AOPEP: variants seen among roughly 807,000 people sequenced by gnomAD.
The protein encoded by AOPEP is aminopeptidase O.
A neutral mutation model predicts 98.1 loss-of-function variants in AOPEP; 77 were observed. The ratio of observed to expected loss-of-function variants is 0.78; its 90% confidence interval spans 0.65 to 0.95. AOPEP has a LOEUF of 0.95. AOPEP is among the 40% of genes least tolerant of loss of function. The probability of loss-of-function intolerance (pLI) is 0.00; values close to 1 mark genes in which losing one functional copy is unlikely to be tolerated. For missense variants in AOPEP, 1,024 were observed against 1,024.7 expected, an observed-to-expected ratio of 1.00 and a Z score of 0.01; for synonymous variants, 346 against 365.3, an observed-to-expected ratio of 0.95 and a Z score of 0.60.
At chr9:95,010,850 A>G (rs2062447754) in intron 13 of AOPEP, among the ~76,000 whole-genome samples, 1 of 152,362 alleles carries the variant, frequency 6.6e-6, no homozygotes, top group Middle Eastern at 3.4e-3. Context: ...AAAAGTAATT[A>G]CAAAGAAACC....
intron 13 of AOPEP, among the ~76,000 whole-genome samples, chr9:95,032,414 T>C (rs2064392936): frequency 6.6e-6 from 1 of 152,242 alleles, no homozygotes; most frequent in South Asian, 2.1e-4. Context: ...CAAGTGAGGC[T>C]TTCAGATATG....
chr9:94,899,970 A>C (rs900024121), intron 5 of AOPEP, among the ~76,000 whole-genome samples: 1 of 152,156 alleles, frequency 6.6e-6, no homozygotes, highest in Non-Finnish European at 1.5e-5. Context: ...CCAAATATAT[A>C]GATTCAAGTA....
chr9:94,789,923 GA>G (rs1845290304), intron 3 of AOPEP, among the ~76,000 whole-genome samples: 1 of 152,044 alleles, frequency 6.6e-6, no homozygotes, highest in South Asian at 2.1e-4. Context: ...GCCCAGGCGG[GA>G]GTGCAGTGGC....
intron 3 of AOPEP, among the ~76,000 whole-genome samples, chr9:94,788,747 G>C (rs1018969842): frequency 6.6e-6 from 1 of 152,164 alleles, no homozygotes; most frequent in Admixed American, 6.5e-5. Context: ...ACCAAATAAG[G>C]GAGGATGGCT....
At chr9:94,889,515 TC>T (rs889158042) in intron 5 of AOPEP, among the ~76,000 whole-genome samples, 3 of 152,112 alleles carry the variant, frequency 2.0e-5, no homozygotes, top group Non-Finnish European at 4.4e-5. Flanking sequence ...GGAGATGGAG[TC>T]TTGCTCTATC....
At chr9:95,011,522 C>G (rs1336676876) in intron 13 of AOPEP, among the ~76,000 whole-genome samples, 3 of 151,992 alleles carry the variant, frequency 2.0e-5, no homozygotes, top group Non-Finnish European at 4.4e-5. Flanking sequence ...TTTAAGACTG[C>G]CGTTTTGCTG....
intron 4 of AOPEP, among the ~76,000 whole-genome samples, chr9:94,800,398 T>TG (rs1564158050): frequency 6.6e-6 from 1 of 152,208 alleles, no homozygotes; most frequent in Non-Finnish European, 1.5e-5. Context: ...GTTCATATGG[T>TG]GATACTTGAA....
chr9:95,150,182 T>C, the AOPEP span: 1 of 1,300,512 alleles, frequency 7.7e-7, no homozygotes. Flanking sequence ...CAAAGACAGA[T>C]CACCTGTTTT....
chr9:94,904,693 A>G (rs1487317976), intron 5 of AOPEP: 1 of 152,272 alleles, frequency 6.6e-6, no homozygotes, highest in East Asian at 1.9e-4. Context: ...TCTGAAAGCC[A>G]TATATTTGGG....
At chr9:94,770,471 T>G (rs1027084372) in intron 2 of AOPEP, among the ~76,000 whole-genome samples, 1 of 152,140 alleles carries the variant, frequency 6.6e-6, no homozygotes, top group Non-Finnish European at 1.5e-5. Context: ...GCTGCAGGTG[T>G]CTCAAGGTGT....
chr9:95,085,273 GC>G, intron 16 of AOPEP: 1 of 485,948 alleles, frequency 2.1e-6, no homozygotes, highest in East Asian at 6.3e-5. Context: ...AAATCACATT[GC>G]CAGGGATTAC....
At chr9:95,037,221 T>TA (rs1387076558) in intron 13 of AOPEP, among the ~76,000 whole-genome samples, 2 of 152,180 alleles carry the variant, frequency 1.3e-5, no homozygotes, top group Non-Finnish European at 2.9e-5. Flanking sequence ...CTTTTAGCCT[T>TA]TATTTTGATT....
intron 5 of AOPEP, among the ~76,000 whole-genome samples, chr9:94,828,430 A>G (rs752836584): frequency 6.6e-6 from 1 of 152,132 alleles, no homozygotes; most frequent in Non-Finnish European, 1.5e-5. Context: ...TTGCCTGTGG[A>G]TATCTACTTA....
intron 5 of AOPEP, among the ~76,000 whole-genome samples, chr9:94,841,020 T>C (rs542877331): frequency 6.6e-6 from 1 of 152,320 alleles, no homozygotes; most frequent in African/African-American, 2.4e-5. Context: ...ATTTCCTTCC[T>C]CTACTTGCTT....
intron 5 of AOPEP, among the ~76,000 whole-genome samples, chr9:94,855,427 G>C (rs904149358): frequency 6.6e-6 from 1 of 152,118 alleles, no homozygotes; most frequent in Admixed American, 6.5e-5. Context: ...GGTGGCTCAC[G>C]CCTGTAATCC....
chr9:94,954,767 C>T (rs1046452329), intron 7 of AOPEP, among the ~76,000 whole-genome samples: 7 of 152,090 alleles, frequency 4.6e-5, no homozygotes, highest in African/African-American at 1.7e-4. Flanking sequence ...AGTGCAAATC[C>T]AGAGAAGTGG....
chr9:94,931,746 T>G (rs1204959930), intron 7 of AOPEP: 2 of 1,550,542 alleles, frequency 1.3e-6, no homozygotes, highest in Admixed American at 3.9e-5. Context: ...CAGTGGAAGC[T>G]TCTCTTGAGA....
chr9:94,880,211 C>T (rs918245096), intron 5 of AOPEP, among the ~76,000 whole-genome samples: 3 of 152,116 alleles, frequency 2.0e-5, no homozygotes, highest in South Asian at 2.1e-4. Flanking sequence ...TTAATCATAA[C>T]GATCTGTGAT....
At chr9:95,031,422 T>A (rs1004474650) in intron 13 of AOPEP, among the ~76,000 whole-genome samples, 5 of 152,190 alleles carry the variant, frequency 3.3e-5, no homozygotes, top group Admixed American at 6.5e-5. Flanking sequence ...GTACCCAGAA[T>A]GCCAGAACAC....
Sources: allele counts gnomAD v4.1 joint callset (sites outside exome capture counted in the v4.1 genomes callset), GRCh38; gene constraint gnomAD v4.1.1; transcripts MANE v1.5; gene names NCBI Gene and HGNC (gene_info 2026-07-23, HGNC 2026-07-21).